UBR7: variants seen among roughly 807,000 people sequenced by gnomAD.
UBR7 encodes the protein putative E3 ubiquitin-protein ligase UBR7.
Under a neutral mutation model 57.0 loss-of-function variants are expected in UBR7, and 22 were observed. The observed-to-expected ratio is 0.39, with a 90% CI of 0.28 to 0.55. The LOEUF (loss-of-function observed/expected upper bound fraction) is 0.55. UBR7 is among the 20% of genes least tolerant of loss of function. The probability of loss-of-function intolerance (pLI) is 0.69; values close to 1 mark genes in which losing one functional copy is unlikely to be tolerated. For missense variants in UBR7, 395 were observed against 513.2 expected (o/e 0.77, Z 2.23); for synonymous variants, 167 against 179.8 (o/e 0.93, Z 0.57).
In UBR7 at chr14:93,207,277, G is replaced by C. The variant is rs1275621259; in HGVS notation, c.-15G>C. ...CTCCGCCGGGGCCGAGCCGCTGTTC[G>C]GCTGACAGTTGAGGATGGCCGGAGC... On this transcript the variant is annotated 5_prime_UTR_variant, in exon 1 of 11. Transcript: ENST00000013070. The C allele has an allele frequency of 1.9e-6, 3 of 1,552,032 alleles. No homozygotes were observed. The highest frequency in any genetic ancestry group is 2.6e-6 in the Non-Finnish European group (3 of 1,147,988).
Position 93,226,955 on chromosome 14 carries a change from G to C in UBR7, c.1198G>C (p.Glu400Gln). The C allele has an allele frequency of 6.2e-7, 1 of 1,613,004 alleles. No homozygotes were observed. The highest frequency in any genetic ancestry group is 8.5e-7 in the Non-Finnish European group (1 of 1,179,354). ...TTTTCAAAAACAGGTTGTTAAGAGAGAGGACATTCAGCAGTTCTTTGAAGA... is the reference window on the plus strand; with the variant it reads ...TTTTCAAAAACAGGTTGTTAAGAGACAGGACATTCAGCAGTTCTTTGAAGA... ...FADEGTVVKR[E>Q]DIQQFFEEFQ... The change falls in exon 11 of 11, where the codon GAG becomes CAG. Residue 400 changes from glutamate (E) to glutamine (Q), a missense_variant. Glu to Gln is a conservative substitution (Grantham distance 29). Coordinates refer to ENST00000013070, the MANE Select transcript of UBR7 (RefSeq NM_175748.4).
chr14:93,211,925 C>G, intron 3 of UBR7, 107 bp from the exon 4 acceptor site: 1 of 885,332 alleles, frequency 1.1e-6, no homozygotes. Context: ...AGATCAGCCT[C>G]TTGGGGGAAA....
intron 1 of UBR7, among the ~76,000 whole-genome samples, chr14:93,208,078 G>T (rs1350190454): frequency 6.6e-6 from 1 of 152,190 alleles, no homozygotes; most frequent in African/African-American, 2.4e-5. Context: ...GGGGAGAGAG[G>T]AGAAAAGGAT....
At chr14:93,215,317 T>C in intron 6 of UBR7, 36 bp downstream of exon 6, 1 of 1,517,594 alleles carries the variant, frequency 6.6e-7, no homozygotes, top group Non-Finnish European at 9.0e-7. Flanking sequence ...GCCACAAACT[T>C]GTGCTTGTGA....
chr14:93,222,241 T>C (rs1417999192), intron 9 of UBR7, 72 bp from the exon 10 acceptor site: 1 of 1,091,690 alleles, frequency 9.2e-7, no homozygotes, highest in African/African-American at 1.5e-5. Flanking sequence ...CAGGTGTCAA[T>C]GGCAAAGAAT....
chr14:93,218,089 T>C (rs1305512532), intron 6 of UBR7, among the ~76,000 whole-genome samples: 2 of 120,584 alleles, frequency 1.7e-5, no homozygotes, highest in Non-Finnish European at 3.4e-5. Context: ...AGCGAAACTC[T>C]ATCTCAAAAA....
intron 6 of UBR7, 55 bp from the exon 7 acceptor site, chr14:93,218,472 C>A: frequency 7.0e-7 from 1 of 1,432,364 alleles, no homozygotes; most frequent in Admixed American, 1.7e-5. Context: ...ATTTTATTGT[C>A]CGTTAGGTCA....
rs1212120951 is a variant in UBR7, at chr14:93,227,020, G to A, written c.1263G>A (p.Gln421=). ...AGAGAAGAAGAGTGGATGGGATGCA[G>A]TATTACTGCAGCTAGAGTGGAGTAT... ...SKKRRRVDGM[Q]YYCS is the part of the protein sequence containing the mutation. The change falls in exon 11 of 11, where the codon CAG becomes CAA. Residue 421 remains glutamine (Q), a synonymous_variant. Transcript: ENST00000013070. 3.1e-6 allele frequency: 5 copies of A among 1,611,388 alleles called. No individual in the cohort carries two copies. The highest frequency in any genetic ancestry group is 4.2e-6 in the Non-Finnish European group (5 of 1,178,070).
intron 1 of UBR7, among the ~76,000 whole-genome samples, chr14:93,207,924 A>G (rs1388400198): frequency 6.6e-6 from 1 of 152,130 alleles, no homozygotes; most frequent in Non-Finnish European, 1.5e-5. Flanking sequence ...TTCCTCTGCA[A>G]TTTAGTTGGA....
intron 4 of UBR7, 24 bp downstream of exon 4, chr14:93,212,151 T>G: frequency 6.4e-7 from 1 of 1,564,778 alleles, no homozygotes; most frequent in South Asian, 1.1e-5. Flanking sequence ...AAGTTAAACC[T>G]GGGGGTGTGT....
chr14:93,223,542 G>A (rs1396980047), intron 10 of UBR7: 2 of 658,934 alleles, frequency 3.0e-6, no homozygotes, highest in Non-Finnish European at 5.3e-6. Context: ...TTTCTTTTTT[G>A]GGGTGGGGGG....
chr14:93,207,414 C>G lies in UBR7; in HGVS notation c.123C>G (p.Ser41Arg). ...AGGCGTGCGCTGTCCTGGGCGGCAGCGACTCCGAGAAGTGCTCCTACTCTC... is the reference window on the plus strand; with the variant it reads ...AGGCGTGCGCTGTCCTGGGCGGCAGGGACTCCGAGAAGTGCTCCTACTCTC... ...ENEACAVLGGSDSEKCSYSQG... is the reference protein window; with the variant it reads ...ENEACAVLGGRDSEKCSYSQG... The change falls in exon 1 of 11, where the codon AGC (serine) becomes AGG (arginine). Residue 41 changes from serine to arginine, a missense_variant. By Grantham distance (110) the Ser-to-Arg change is moderately radical. Coordinates refer to ENST00000013070, the MANE Select transcript of UBR7 (RefSeq NM_175748.4). 6.4e-7 allele frequency: 1 copy of G among 1,551,634 alleles called. No individual in the cohort carries two copies. The highest frequency in any genetic ancestry group is 8.7e-7 in the Non-Finnish European group (1 of 1,150,446).
intron 9 of UBR7, among the ~76,000 whole-genome samples, chr14:93,222,104 GC>G (rs1894720394): frequency 6.8e-6 from 1 of 147,824 alleles, no homozygotes; most frequent in African/African-American, 2.5e-5. Context: ...AAAAAATTTT[GC>G]TTTTTTTTTT....
At chr14:93,218,810 C>CT in intron 7 of UBR7, 75 bp downstream of exon 7, 1 of 1,482,668 alleles carries the variant, frequency 6.7e-7, no homozygotes, top group South Asian at 1.2e-5. Flanking sequence ...AATCCCAGCA[C>CT]TTTGGGAGGC....
intron 3 of UBR7, 152 bp from the exon 4 acceptor site, chr14:93,211,880 G>T: frequency 3.2e-6 from 2 of 624,036 alleles, no homozygotes; most frequent in East Asian, 3.0e-5. Flanking sequence ...CCCTTTAGTG[G>T]TAGTGAGTTT....
chr14:93,223,553 C>T (rs192063842), intron 10 of UBR7: 45 of 694,282 alleles, frequency 6.5e-5, no homozygotes, highest in Admixed American at 4.7e-4. Context: ...GGGTGGGGGG[C>T]GTTCCTGAGT....
intron 2 of UBR7, 136 bp from the exon 3 acceptor site, chr14:93,210,512 G>A (rs1894461131): frequency 1.4e-6 from 1 of 712,580 alleles, no homozygotes; most frequent in South Asian, 1.7e-5. Context: ...GTGTTTGTAT[G>A]TGATATAAAT....
chr14:93,209,588 A>G (rs2140097401), intron 1 of UBR7, among the ~76,000 whole-genome samples: 1 of 152,328 alleles, frequency 6.6e-6, no homozygotes, highest in South Asian at 2.1e-4. Context: ...AAAAATAAAT[A>G]AGGAAGAAAG....
intron 10 of UBR7, 95 bp downstream of exon 10, chr14:93,222,469 G>A: frequency 2.1e-6 from 2 of 965,528 alleles, no homozygotes; most frequent in Non-Finnish European, 3.3e-6. Context: ...GACTGGCGGG[G>A]TGCGGTGGCT....
Sources: gnomAD v4.1 joint callset for allele counts (sites outside exome capture counted in the v4.1 genomes callset) on GRCh38, gnomAD v4.1.1 for gene constraint, MANE v1.5 for transcripts, NCBI Gene and HGNC (gene_info 2026-07-23, HGNC 2026-07-21) for gene names.